Variants in CDH11 observed in about 807,000 individuals in gnomAD.
CDH11 encodes the protein cadherin-11.
CDH11 carries 11 observed loss-of-function variants against 67.8 expected under a neutral mutation model. That is an observed-to-expected ratio of 0.16 (90% CI 0.10 to 0.27). The LOEUF (loss-of-function observed/expected upper bound fraction) is 0.27. Ranked by LOEUF, CDH11 falls within the 10% of genes least tolerant of loss-of-function variation. The probability of loss-of-function intolerance (pLI) is 1.00; values close to 1 mark genes in which losing one functional copy is unlikely to be tolerated. For missense variants in CDH11, 847 were observed against 1,031.2 expected (o/e 0.82, Z 2.45); for synonymous variants, 419 against 400.0 (o/e 1.05, Z -0.57).
At position 65,114,520 on chromosome 16, in the gene CDH11, G is replaced by A. The variant is rs144867716; in HGVS notation, c.-298+7360C>T. 2.7e-3 allele frequency among the ~76,000 whole-genome samples: 409 copies of A among 152,150 alleles called. 5 individuals are homozygous for A. The highest frequency in any genetic ancestry group is 9.2e-3 in the African/African-American group (383 of 41,516). ...ATAGAGATGAAAGTACCTTCCTCTCGGGGGGTTGTACAGACTAGATGAGGT... is the reference window on the plus strand; with the variant it reads ...ATAGAGATGAAAGTACCTTCCTCTCAGGGGGTTGTACAGACTAGATGAGGT... On this transcript the variant is annotated intron_variant, in intron 1 of 12. Coordinates refer to ENST00000268603, the MANE Select transcript of CDH11 (RefSeq NM_001797.4).
chr16:65,005,414 G>T (rs2073031295), intron 2 of CDH11, among the ~76,000 whole-genome samples: 2 of 152,238 alleles, frequency 1.3e-5, no homozygotes, highest in South Asian at 4.1e-4. Flanking sequence ...CTGGGGTTCA[G>T]TTTAGGGAGA....
rs2142361352 is a variant in CDH11, at chr16:64,947,000, A to G, written c.*603T>C. On this transcript the variant is annotated 3_prime_UTR_variant, in exon 13 of 13. Coordinates refer to ENST00000268603, the MANE Select transcript of CDH11 (RefSeq NM_001797.4). ...ATAGGGCGTCTCTCACTGAAACAAGACAGTTATATCTGGCACGTATTAGTT... is the reference window on the plus strand; with the variant it reads ...ATAGGGCGTCTCTCACTGAAACAAGGCAGTTATATCTGGCACGTATTAGTT... 1 of 1,008,510 alleles carries G rather than the reference A, an allele frequency of 9.9e-7. No individual in the cohort carries two copies. The highest frequency in any genetic ancestry group is 1.7e-5 in the African/African-American group (1 of 58,602). 62.5% of individuals were successfully genotyped at this position (1,008,510 alleles called of 1,614,324 possible). A position where few individuals can be genotyped will look rare whatever the true frequency, so the allele number is the denominator to read the frequency against.
At chr16:64,961,494 C>A (rs2071674970) in intron 11 of CDH11, among the ~76,000 whole-genome samples, 1 of 152,086 alleles carries the variant, frequency 6.6e-6, no homozygotes, top group Non-Finnish European at 1.5e-5. Context: ...ATTTTGATAC[C>A]AGTTTTTAGT....
chr16:65,059,090 T>G (rs1214924174), intron 1 of CDH11, among the ~76,000 whole-genome samples: 5 of 152,218 alleles, frequency 3.3e-5, no homozygotes, highest in Admixed American at 2.0e-4. Context: ...ATAAGCATTT[T>G]GCAAAATTTT....
chr16:64,970,083 G>A (rs566709682), intron 11 of CDH11, among the ~76,000 whole-genome samples: 5 of 152,220 alleles, frequency 3.3e-5, no homozygotes, highest in South Asian at 2.1e-4. Context: ...GGGTTGTTTC[G>A]TAGGCTTCTT....
chr16:65,062,641 C>G (rs1567555927), intron 1 of CDH11, among the ~76,000 whole-genome samples: 1 of 152,212 alleles, frequency 6.6e-6, no homozygotes, highest in East Asian at 1.9e-4. Flanking sequence ...TTCCTAGGCA[C>G]TTACTCTGAA....
chr16:65,032,830 A>C (rs1249363492), intron 2 of CDH11, among the ~76,000 whole-genome samples: 3 of 152,216 alleles, frequency 2.0e-5, no homozygotes, highest in Non-Finnish European at 4.4e-5. Flanking sequence ...TGAGATGAGA[A>C]ATATCAAGTT....
intron 6 of CDH11, among the ~76,000 whole-genome samples, chr16:64,990,804 A>G (rs557858472): frequency 2.2e-4 from 33 of 152,306 alleles, no homozygotes; most frequent in African/African-American, 7.9e-4. Context: ...ATAATCCCCC[A>G]GATAACAATG....
chr16:65,008,444 A>T (rs1014174090), intron 2 of CDH11, among the ~76,000 whole-genome samples: 5 of 152,116 alleles, frequency 3.3e-5, no homozygotes, highest in African/African-American at 1.2e-4. Context: ...GACATAATTT[A>T]AAAAAAAGAT....
In CDH11 at chr16:65,008,249, T is replaced by A. The variant is rs1411805805; in HGVS notation, c.-172-3208A>T. Among the ~76,000 whole-genome samples, 10 of 152,360 alleles carry A rather than the reference T, an allele frequency of 6.6e-5. No homozygotes were observed. The East Asian group carries it at 1.9e-3, about 29-fold the overall frequency. On this transcript the variant is annotated intron_variant, in intron 2 of 12. Coordinates refer to ENST00000268603, the MANE Select transcript of CDH11 (RefSeq NM_001797.4). ...AATGAATTTAAGAGTTTCCACATGA[T>A]CAATAAACAATAACATTCAATCTGT...
At chr16:65,039,304 C>T (rs1015369559) in intron 2 of CDH11, among the ~76,000 whole-genome samples, 15 of 152,284 alleles carry the variant, frequency 9.9e-5, no homozygotes, top group Non-Finnish European at 2.1e-4. Flanking sequence ...TACCTGACTT[C>T]AAACTATACT....
rs200818571 is a variant in CDH11 at position 64,982,323 on chromosome 16, T to C, written c.1000-22A>G. On this transcript the variant is annotated intron_variant, in intron 7 of 12. Transcript: ENST00000268603. ...CAGGCTGGCAAGAATGAAGAGAAGATTGACAACCAATTCCTTGAAAGAATA... is the reference window on the plus strand; with the variant it reads ...CAGGCTGGCAAGAATGAAGAGAAGACTGACAACCAATTCCTTGAAAGAATA... 1.6e-5 allele frequency: 25 copies of C among 1,586,798 alleles called. 1 individual carries two copies. The African/African-American group carries it at 2.4e-4, about 15-fold the overall frequency.
chr16:65,122,276 G>T (rs898933434), upstream of CDH11: 31 of 394,954 alleles, frequency 7.8e-5, no homozygotes, highest in Non-Finnish European at 1.2e-4. Context: ...CTCCCCCCAG[G>T]GGCCCAGAGA....
At chr16:64,956,270 C>G (rs1243270071) in intron 11 of CDH11, among the ~76,000 whole-genome samples, 1 of 152,096 alleles carries the variant, frequency 6.6e-6, no homozygotes, top group African/African-American at 2.4e-5. Context: ...AAATTTGATT[C>G]CATTCATAAA....
In CDH11 at chr16:64,947,337, T is replaced by G. The variant is rs1336988563; in HGVS notation, c.*266A>C. The G allele has an allele frequency of 1.2e-5, 15 of 1,236,920 alleles. No homozygotes were observed. The highest frequency in any genetic ancestry group is 3.0e-5 in the African/African-American group (2 of 66,272). 76.6% of individuals were successfully genotyped at this position (1,236,920 alleles called of 1,614,324 possible). A position where few individuals can be genotyped will look rare whatever the true frequency, so the allele number is the denominator to read the frequency against. ...GTCAGTTCAGCGTTAGACTTCTCCTTCACTTAAATATTTTGTATGCCAAGT... is the reference window on the plus strand; with the variant it reads ...GTCAGTTCAGCGTTAGACTTCTCCTGCACTTAAATATTTTGTATGCCAAGT... On this transcript the variant is annotated 3_prime_UTR_variant, in exon 13 of 13. Transcript: ENST00000268603.
chr16:65,004,607 T>G lies in CDH11; in HGVS notation c.228+35A>C, dbSNP rs770384877. ...CACAGACGACTATTCCAATGGTGGG[T>G]TGGAAAGCTCAGGATTGAGGGAAGG... is the stretch of plus-strand genomic sequence containing the variant. On this transcript the variant is annotated intron_variant, in intron 3 of 12. Coordinates refer to ENST00000268603, the MANE Select transcript of CDH11 (RefSeq NM_001797.4). The G allele has an allele frequency of 3.2e-6, 5 of 1,586,660 alleles. No individual in the cohort carries two copies. The African/African-American group carries it at 4.0e-5, about 13-fold the overall frequency.
At chr16:64,957,869 A>G (rs35139) in intron 11 of CDH11, among the ~76,000 whole-genome samples, 39,703 of 152,056 alleles carry the variant, frequency 0.26, 6,003 homozygotes, top group Middle Eastern at 0.36. Flanking sequence ...ATGTCAGTCA[A>G]TGTTTACCAT....
At chr16:65,040,216 A>G (rs568526788) in intron 2 of CDH11, among the ~76,000 whole-genome samples, 49 of 152,322 alleles carry the variant, frequency 3.2e-4, no homozygotes, top group African/African-American at 1.1e-3. Context: ...TATATACCCA[A>G]AGGATTATAA....
At chr16:64,994,733 T>C (rs2072722231) in intron 4 of CDH11, among the ~76,000 whole-genome samples, 1 of 152,078 alleles carries the variant, frequency 6.6e-6, no homozygotes, top group Admixed American at 6.5e-5. Flanking sequence ...GAGCAAGAAA[T>C]AAAAGACATC....
Sources: allele counts gnomAD v4.1 joint callset (sites outside exome capture counted in the v4.1 genomes callset), GRCh38; gene constraint gnomAD v4.1.1; transcripts MANE v1.5; gene names NCBI Gene and HGNC (gene_info 2026-07-23, HGNC 2026-07-21).